Variants in FAAH2 observed in about 807,000 individuals in gnomAD.
FAAH2 encodes the protein fatty-acid amide hydrolase 2.
A neutral mutation model predicts 36.9 loss-of-function variants in FAAH2; 60 were observed. That is an observed-to-expected ratio of 1.63 (90% CI 1.32 to 2.02). The LOEUF (loss-of-function observed/expected upper bound fraction) is 2.02, where lower values mean the gene tolerates loss of function less well. Among genes scored for constraint, FAAH2 ranks in the 30% most tolerant of loss-of-function variants. The pLI is 0.00. For missense variants in FAAH2, 689 were observed against 397.5 expected, an observed-to-expected ratio of 1.73 and a Z score of -6.23; for synonymous variants, 214 against 143.8, an observed-to-expected ratio of 1.49 and a Z score of -3.49.
At chrX:57,372,785 T>A (rs1402023555) in intron 5 of FAAH2, among the ~76,000 whole-genome samples, 1 of 110,546 alleles carries the variant, frequency 9.0e-6, no homozygotes, top group Non-Finnish European at 1.9e-5. Context: ...ATAAATAAGT[T>A]TTTTAGTGGT....
intron 7 of FAAH2, among the ~76,000 whole-genome samples, 155 bp from the exon 8 acceptor site, chrX:57,431,763 G>GTTTTTTTTTTTTTTTTTTTTTTTT (rs200270868): frequency 7.3e-5 from 1 of 13,657 alleles, no homozygotes; most frequent in African/African-American, 8.4e-5. Flanking sequence ...TTTTGTTTTT[G>GTTTTTTTTTTTTTTTTTTTTTTTT]TTTTTTTGTT....
intron 3 of FAAH2, among the ~76,000 whole-genome samples, chrX:57,325,281 G>T (rs1350918380): frequency 9.0e-6 from 1 of 111,342 alleles, no homozygotes; most frequent in Non-Finnish European, 1.9e-5. Flanking sequence ...GTTCATCAGG[G>T]ATATTGGTCT....
intron 10 of FAAH2, among the ~76,000 whole-genome samples, chrX:57,476,268 T>G (rs1339231021): frequency 9.0e-6 from 1 of 111,274 alleles, no homozygotes. Flanking sequence ...CATCCTTGTC[T>G]TCTGCTGGGT....
the FAAH2 span, among the ~76,000 whole-genome samples, chrX:57,193,481 G>A: frequency 4.5e-5 from 5 of 111,663 alleles, no homozygotes; most frequent in Non-Finnish European, 9.4e-5. Flanking sequence ...ACCTTGTGAA[G>A]CATGTGATCT....
Position 57,428,722 on chromosome X carries a change from C to T in FAAH2, c.997-3196C>T, listed in dbSNP as rs140902532. Among the ~76,000 whole-genome samples the T allele has an allele frequency of 5.6e-3, 627 of 111,841 alleles. 5 individuals carry two copies. The highest frequency in any genetic ancestry group is 0.02 in the African/African-American group (606 of 30,810). ...ATAAATATGGACCTGTATCTCTCAC[C>T]ATATGCAAAAATTATCACAAATGTA... On this transcript the variant is annotated intron_variant, in intron 7 of 10. Transcript: ENST00000374900.
intron 10 of FAAH2, among the ~76,000 whole-genome samples, chrX:57,472,781 T>C (rs2147253680): frequency 1.8e-5 from 2 of 111,500 alleles, no homozygotes; most frequent in East Asian, 5.6e-4. Context: ...AAACTATCAA[T>C]TTTCTCTAGA....
At chrX:57,260,468 A>G in the FAAH2 span, among the ~76,000 whole-genome samples, 6 of 112,319 alleles carry the variant, frequency 5.3e-5, no homozygotes, top group Non-Finnish European at 9.4e-5. Flanking sequence ...AAGAAACGAT[A>G]GTAAAATTTT....
chrX:57,487,124 C>G lies in FAAH2; in HGVS notation c.1424-1633C>G, dbSNP rs182678830. On this transcript the variant is annotated intron_variant, in intron 10 of 10. Coordinates refer to ENST00000374900, the MANE Select transcript of FAAH2 (RefSeq NM_174912.4). ...AGCCTTTCCACACACCCACCGTATACAAAAACTAATGTAAAATAAATAGGA... is the reference window on the plus strand; with the variant it reads ...AGCCTTTCCACACACCCACCGTATAGAAAAACTAATGTAAAATAAATAGGA... 2.4e-3 allele frequency among the ~76,000 whole-genome samples: 263 copies of G among 110,872 alleles called. 1 individual carries two copies. The highest frequency in any genetic ancestry group is 8.4e-3 in the African/African-American group (256 of 30,509).
At chrX:57,267,625 G>A in the FAAH2 span, among the ~76,000 whole-genome samples, 1 of 111,947 alleles carries the variant, frequency 8.9e-6, no homozygotes, top group Non-Finnish European at 1.9e-5. Flanking sequence ...TGCTGCAGCT[G>A]ACACACCTCA....
At chrX:57,260,472 A>T in the FAAH2 span, among the ~76,000 whole-genome samples, 1 of 112,244 alleles carries the variant, frequency 8.9e-6, no homozygotes, top group Non-Finnish European at 1.9e-5. Flanking sequence ...AACGATAGTA[A>T]AATTTTTTGG....
At chrX:57,354,863 T>C (rs901031939) in intron 5 of FAAH2, among the ~76,000 whole-genome samples, 6 of 110,856 alleles carry the variant, frequency 5.4e-5, no homozygotes, top group African/African-American at 2.0e-4. Context: ...TAGATGCTAA[T>C]TTTTAAAATA....
chrX:57,417,881 G>A (rs1452817696), intron 7 of FAAH2, among the ~76,000 whole-genome samples: 1 of 111,917 alleles, frequency 8.9e-6, no homozygotes, highest in Non-Finnish European at 1.9e-5. Flanking sequence ...AGTTTAATCT[G>A]TAAGCTGCTG....
chrX:57,246,065 TAAA>T, the FAAH2 span, among the ~76,000 whole-genome samples: 18 of 111,173 alleles, frequency 1.6e-4, no homozygotes, highest in African/African-American at 4.9e-4. Context: ...CCCACAGAAA[TAAA>T]AACTTCCATC....
intron 5 of FAAH2, among the ~76,000 whole-genome samples, chrX:57,355,831 A>C (rs949327590): frequency 1.8e-5 from 2 of 110,989 alleles, no homozygotes; most frequent in African/African-American, 6.5e-5. Flanking sequence ...TATTGGATAG[A>C]TGGGGCAAGA....
chrX:57,464,511 G>A (rs1444740901), intron 10 of FAAH2, among the ~76,000 whole-genome samples: 1 of 59,984 alleles, frequency 1.7e-5, no homozygotes, highest in African/African-American at 5.4e-5. Flanking sequence ...GTTCCTAATA[G>A]CAATTGCAAA....
intron 7 of FAAH2, chrX:57,393,204 A>C (rs769487979): frequency 6.7e-6 from 8 of 1,198,434 alleles, no homozygotes; most frequent in Non-Finnish European, 9.0e-6. Context: ...GGAATTCCAA[A>C]CATTCTGGCA....
intron 7 of FAAH2, among the ~76,000 whole-genome samples, chrX:57,400,883 G>T (rs1338772780): frequency 8.9e-6 from 1 of 112,178 alleles, no homozygotes; most frequent in Admixed American, 9.4e-5. Context: ...AGCACCCTGA[G>T]AGGCTGAGGC....
intron 10 of FAAH2, among the ~76,000 whole-genome samples, chrX:57,456,319 A>G (rs955043256): frequency 1.8e-5 from 2 of 112,141 alleles, no homozygotes; most frequent in Non-Finnish European, 3.8e-5. Context: ...ACAAATTTGT[A>G]GTGCTAAACA....
At chrX:57,312,300 C>T (rs924613650) in intron 3 of FAAH2, among the ~76,000 whole-genome samples, 2 of 111,930 alleles carry the variant, frequency 1.8e-5, no homozygotes, top group African/African-American at 6.5e-5. Flanking sequence ...TGGATTGCAG[C>T]CCAAACTACA....
Sources: gnomAD v4.1 joint callset for allele counts (sites outside exome capture counted in the v4.1 genomes callset) on GRCh38, gnomAD v4.1.1 for gene constraint, MANE v1.5 for transcripts, NCBI Gene and HGNC (gene_info 2026-07-23, HGNC 2026-07-21) for gene names.